Variants in NPFFR2 observed in about 807,000 individuals in gnomAD.
NPFFR2 encodes G-protein coupled receptor 74.
NPFFR2 carries 15 observed loss-of-function variants against 13.1 expected under a neutral mutation model. The observed-to-expected ratio is 1.15, with a 90% confidence interval of 0.77 to 1.76. NPFFR2 has a LOEUF of 1.76. Ranked by LOEUF, NPFFR2 falls within the 40% of genes most tolerant of loss-of-function variation. The pLI, the probability that NPFFR2 is intolerant of heterozygous loss-of-function variation, is 0.00. For missense variants in NPFFR2, 572 were observed against 503.5 expected (o/e 1.14, Z -1.30); for synonymous variants, 190 against 175.7 (o/e 1.08, Z -0.65).
Position 72,127,351 on chromosome 4 carries a change from A to ATTTTTTTT in NPFFR2, c.-7-1231_-7-1230insTTTTTTTT, listed in dbSNP as rs1560419389. Among the ~76,000 whole-genome samples, 11 of 123,388 alleles carry ATTTTTTTT rather than the reference A, an allele frequency of 8.9e-5. 1 individual carries two copies. The highest frequency in any genetic ancestry group is 3.7e-4 in the African/African-American group (11 of 29,400). 80.9% of individuals were successfully genotyped at this position (123,388 alleles called of 152,430 possible). A position where few individuals can be genotyped will look rare whatever the true frequency, so the allele number is the denominator to read the frequency against. Reference sequence around the variant, plus strand: ...AAAAAAGTCATACAGATTCTAAATAATTTCTTTTCTTTTTTTTTTTTTTTT... The same window carrying ATTTTTTTT: ...AAAAAAGTCATACAGATTCTAAATAATTTTTTTTTTTCTTTTCTTTTTTTTTTTTTTTT... On this transcript the variant is annotated intron_variant, in intron 1 of 3. Transcript: ENST00000308744.
chr4:72,069,095 A>C, intron 1 of NPFFR2: 1 of 499,970 alleles, frequency 2.0e-6, no homozygotes, highest in Non-Finnish European at 3.5e-6. Context: ...TATTCTGATG[A>C]GGAAAAGATA....
At position 72,148,123 on chromosome 4, in the gene NPFFR2, G is replaced by A. The variant is rs187929278; in HGVS notation, c.*311G>A. 7 of 223,286 alleles carry A rather than the reference G, an allele frequency of 3.1e-5. No homozygotes were observed. Among genetic ancestry groups the A allele is most frequent in the South Asian group, 1.3e-4 (1 of 7,746 alleles). The allele number at this position is 223,286 out of a possible 1,614,324, so 13.8% of individuals were successfully genotyped here. A position where few individuals can be genotyped will look rare whatever the true frequency, so the allele number is the denominator to read the frequency against. The stretch of plus-strand genomic sequence containing the variant: ...TATGCGTCAAATCAAGCCTGCACGC[G>A]TGCGTGCATGTGTGTGTGTATTTTC... On this transcript the variant is annotated 3_prime_UTR_variant, in exon 4 of 4. Coordinates refer to ENST00000308744, the MANE Select transcript of NPFFR2 (RefSeq NM_004885.3).
intron 1 of NPFFR2, among the ~76,000 whole-genome samples, chr4:72,055,752 C>T (rs997007345): frequency 4.6e-5 from 7 of 151,976 alleles, no homozygotes; most frequent in African/African-American, 1.7e-4. Context: ...CCAGTGAATA[C>T]ATGAATGATA....
chr4:72,066,005 A>T (rs922962030), intron 1 of NPFFR2, among the ~76,000 whole-genome samples: 1 of 152,200 alleles, frequency 6.6e-6, no homozygotes, highest in Admixed American at 6.5e-5. Context: ...CACCTGTCTT[A>T]GTTAATTTGT....
At chr4:72,048,788 T>C (rs946385631) in intron 1 of NPFFR2, among the ~76,000 whole-genome samples, 2 of 152,058 alleles carry the variant, frequency 1.3e-5, no homozygotes, top group Non-Finnish European at 2.9e-5. Flanking sequence ...ATGAGTTTTG[T>C]TGGAATTATT....
At chr4:72,101,504 A>T (rs976924211) in intron 1 of NPFFR2, among the ~76,000 whole-genome samples, 2 of 151,676 alleles carry the variant, frequency 1.3e-5, no homozygotes, top group Admixed American at 6.6e-5. Context: ...AATAGAAGAG[A>T]TACTATAACA....
chr4:72,057,601 A>G (rs1719791434), intron 1 of NPFFR2, among the ~76,000 whole-genome samples: 1 of 151,922 alleles, frequency 6.6e-6, no homozygotes, highest in Non-Finnish European at 1.5e-5. Flanking sequence ...GGGTGATATC[A>G]TTTTCAGATC....
At chr4:72,077,742 C>T (rs1720488932) in intron 1 of NPFFR2, among the ~76,000 whole-genome samples, 1 of 152,054 alleles carries the variant, frequency 6.6e-6, no homozygotes, top group South Asian at 2.1e-4. Context: ...TTAAGGCATA[C>T]TTTTCTTGGG....
At chr4:72,136,491 ATG>A (rs1722416602) in intron 2 of NPFFR2, among the ~76,000 whole-genome samples, 1 of 152,214 alleles carries the variant, frequency 6.6e-6, no homozygotes, top group Non-Finnish European at 1.5e-5. Context: ...GAAGTTCTGC[ATG>A]CCTGGAGGAT....
intron 3 of NPFFR2, among the ~76,000 whole-genome samples, chr4:72,139,498 C>A (rs946227213): frequency 2.0e-5 from 3 of 152,146 alleles, no homozygotes; most frequent in Admixed American, 6.6e-5. Context: ...TTTCCCAGCA[C>A]CGTTTATTAA....
chr4:72,056,380 A>G (rs547526163), intron 1 of NPFFR2, among the ~76,000 whole-genome samples: 1 of 152,018 alleles, frequency 6.6e-6, no homozygotes, highest in African/African-American at 2.4e-5. Flanking sequence ...TCAGCCCACT[A>G]TGGAGACCTA....
intron 1 of NPFFR2, among the ~76,000 whole-genome samples, chr4:72,105,952 A>C (rs1001865239): frequency 1.3e-5 from 2 of 151,996 alleles, no homozygotes; most frequent in African/African-American, 4.8e-5. Flanking sequence ...ACTATTATTG[A>C]GACCACCATA....
chr4:72,073,390 A>G (rs1207083075), intron 1 of NPFFR2, among the ~76,000 whole-genome samples: 1 of 152,020 alleles, frequency 6.6e-6, no homozygotes, highest in Non-Finnish European at 1.5e-5. Flanking sequence ...TCAAAAGCTT[A>G]CCACTAGAAC....
chr4:72,057,056 G>A (rs1210034981), intron 1 of NPFFR2, among the ~76,000 whole-genome samples: 4 of 151,876 alleles, frequency 2.6e-5, no homozygotes, highest in Admixed American at 6.6e-5. Flanking sequence ...ATATATTGAA[G>A]CCTATTGAAT....
intron 1 of NPFFR2, among the ~76,000 whole-genome samples, chr4:72,070,334 A>C (rs1706228862): frequency 6.6e-6 from 1 of 152,220 alleles, no homozygotes. Context: ...AGGTTTGACA[A>C]TATTTATTTG....
intron 1 of NPFFR2, among the ~76,000 whole-genome samples, chr4:72,127,360 CTTTT>C (rs1186710740): frequency 0.013 from 894 of 66,846 alleles, no homozygotes; most frequent in African/African-American, 0.052. Context: ...AATTTCTTTT[CTTTT>C]TTTTTTTTTT....
chr4:72,032,253 T>C, intron 1 of NPFFR2, 53 bp downstream of exon 1: 1 of 1,517,316 alleles, frequency 6.6e-7, no homozygotes, highest in Non-Finnish European at 8.9e-7. Context: ...GCGCGACCCC[T>C]CTCTAATGCC....
chr4:72,054,091 A>G (rs183960204), intron 1 of NPFFR2, among the ~76,000 whole-genome samples: 14 of 152,088 alleles, frequency 9.2e-5, no homozygotes, highest in East Asian at 5.8e-4. Context: ...CATTCAATCT[A>G]TAGATTCAAT....
intron 1 of NPFFR2, among the ~76,000 whole-genome samples, chr4:72,073,322 T>C (rs1415484737): frequency 6.6e-6 from 1 of 151,998 alleles, no homozygotes; most frequent in Non-Finnish European, 1.5e-5. Flanking sequence ...CATAAACATA[T>C]ACAACTACAA....
Sources: allele counts gnomAD v4.1 joint callset (sites outside exome capture counted in the v4.1 genomes callset), GRCh38; gene constraint gnomAD v4.1.1; transcripts MANE v1.5; gene names NCBI Gene and HGNC (gene_info 2026-07-23, HGNC 2026-07-21).